Variants in PCCA observed in about 807,000 individuals in gnomAD.
The protein encoded by PCCA is propionyl-CoA carboxylase subunit alpha.
In PCCA, 74 loss-of-function variants were observed where a neutral mutation model predicts 101.3. The ratio of observed to expected loss-of-function variants is 0.73; its 90% CI spans 0.61 to 0.89. PCCA has a LOEUF of 0.89. PCCA is among the 40% of genes least tolerant of loss of function. The pLI, the probability that PCCA is intolerant of heterozygous loss-of-function variation, is 0.00. For synonymous variants in PCCA, 294 were observed against 313.6 expected (o/e 0.94, Z 0.66); for missense variants, 891 against 907.0 (o/e 0.98, Z 0.23).
chr13:100,123,313 C>T (rs1055231973), intron 4 of PCCA, among the ~76,000 whole-genome samples: 4 of 152,152 alleles, frequency 2.6e-5, no homozygotes, highest in Non-Finnish European at 2.9e-5. Context: ...CCTCGGCTTC[C>T]CAAAGTGCTG....
intron 18 of PCCA, among the ~76,000 whole-genome samples, chr13:100,348,832 TC>T (rs1424845870): frequency 4.4e-4 from 64 of 145,116 alleles, no homozygotes; most frequent in African/African-American, 7.0e-4. Context: ...TTCTTTTCTC[TC>T]TCTTTTTCTC....
At chr13:100,524,986 TA>T (rs1555330346) in intron 22 of PCCA, among the ~76,000 whole-genome samples, 13,134 of 115,212 alleles carry the variant, frequency 0.11, 728 homozygotes, top group Middle Eastern at 0.18. Flanking sequence ...CTAAGATGGA[TA>T]GATAGATAGA....
At chr13:100,455,865 A>G (rs943296970) in intron 21 of PCCA, among the ~76,000 whole-genome samples, 1 of 152,012 alleles carries the variant, frequency 6.6e-6, no homozygotes, top group African/African-American at 2.4e-5. Context: ...ACACTCAGCT[A>G]CTTTTTCTAT....
intron 8 of PCCA, among the ~76,000 whole-genome samples, chr13:100,243,027 C>G (rs926109446): frequency 3.3e-5 from 5 of 152,166 alleles, no homozygotes; most frequent in Admixed American, 1.3e-4. Context: ...CCCCACTTAG[C>G]TGGGACTACA....
At chr13:100,427,919 G>A (rs2079267094) in intron 20 of PCCA, among the ~76,000 whole-genome samples, 1 of 152,152 alleles carries the variant, frequency 6.6e-6, no homozygotes, top group Non-Finnish European at 1.5e-5. Context: ...GTAGTTTTAA[G>A]CATAGTACAG....
At chr13:100,095,931 G>A (rs1269204050) in intron 1 of PCCA, among the ~76,000 whole-genome samples, 1 of 152,128 alleles carries the variant, frequency 6.6e-6, no homozygotes, top group East Asian at 1.9e-4. Context: ...TGGGGACTGG[G>A]GTGGGAAGAG....
At chr13:100,447,902 A>T (rs2080954576) in intron 20 of PCCA, among the ~76,000 whole-genome samples, 1 of 152,174 alleles carries the variant, frequency 6.6e-6, no homozygotes. Context: ...CTAGAGGTTC[A>T]CTCTGGGTTC....
chr13:100,410,385 G>A (rs2077967404), intron 19 of PCCA, among the ~76,000 whole-genome samples: 1 of 152,140 alleles, frequency 6.6e-6, no homozygotes, highest in East Asian at 1.9e-4. Context: ...TGCGACTACA[G>A]GTACATGCCG....
At chr13:100,457,950 G>T (rs1186109582) in intron 21 of PCCA, among the ~76,000 whole-genome samples, 2 of 152,152 alleles carry the variant, frequency 1.3e-5, no homozygotes, top group Non-Finnish European at 2.9e-5. Context: ...GCAAGCTGTA[G>T]TAGACTGGGA....
At chr13:100,104,246 T>C (rs1022956305) in intron 2 of PCCA, among the ~76,000 whole-genome samples, 2 of 152,182 alleles carry the variant, frequency 1.3e-5, no homozygotes, top group Non-Finnish European at 2.9e-5. Flanking sequence ...TTCCAGATTC[T>C]TTTGAATCTG....
intron 4 of PCCA, among the ~76,000 whole-genome samples, chr13:100,128,428 G>T (rs189107089): frequency 6.6e-6 from 1 of 152,260 alleles, no homozygotes; most frequent in Admixed American, 6.5e-5. Context: ...TGGGTATAGA[G>T]AAATAAAACA....
At chr13:100,396,749 ATTTAT>A (rs2077062632) in intron 19 of PCCA, among the ~76,000 whole-genome samples, 1 of 152,194 alleles carries the variant, frequency 6.6e-6, no homozygotes, top group South Asian at 2.1e-4. Context: ...TTAGAATTGT[ATTTAT>A]TTTATGAAGC....
chr13:100,186,749 C>CAAAAAAAAAAAAAA (rs113247072), intron 6 of PCCA, among the ~76,000 whole-genome samples: 1 of 106,262 alleles, frequency 9.4e-6, no homozygotes, highest in African/African-American at 3.6e-5. Flanking sequence ...AAAAAAAAAA[C>CAAAAAAAAAAAAAA]AAAAAAAAAA....
At chr13:100,158,066 A>G (rs189087772) in intron 6 of PCCA, among the ~76,000 whole-genome samples, 2 of 152,324 alleles carry the variant, frequency 1.3e-5, no homozygotes, top group East Asian at 1.9e-4. Flanking sequence ...AGAAATCTAC[A>G]TGGTAGAGTC....
intron 21 of PCCA, among the ~76,000 whole-genome samples, chr13:100,515,065 T>C (rs914542309): frequency 2.6e-5 from 4 of 152,208 alleles, no homozygotes; most frequent in Non-Finnish European, 5.9e-5. Flanking sequence ...CCCCTGGGTC[T>C]GCCCAGCTCA....
chr13:100,276,550 A>G (rs1400383709), intron 12 of PCCA, among the ~76,000 whole-genome samples: 2 of 152,154 alleles, frequency 1.3e-5, no homozygotes, highest in Non-Finnish European at 2.9e-5. Context: ...GAATAAACCT[A>G]TAACTTTCAT....
intron 18 of PCCA, among the ~76,000 whole-genome samples, chr13:100,363,915 A>G (rs2074905716): frequency 6.6e-6 from 1 of 152,226 alleles, no homozygotes; most frequent in African/African-American, 2.4e-5. Context: ...ATGTATTAGT[A>G]TTAATAGTGA....
chr13:100,191,776 C>T (rs1415605481), intron 6 of PCCA, among the ~76,000 whole-genome samples: 1 of 152,214 alleles, frequency 6.6e-6, no homozygotes, highest in East Asian at 1.9e-4. Flanking sequence ...GGAAGTCACG[C>T]TGGCTGCTAC....
rs550590815 is a variant in PCCA, at chr13:100,264,172, C to T, written c.819+1341C>T. Among the ~76,000 whole-genome samples the T allele has an allele frequency of 3.7e-5, 4 of 109,004 alleles. 1 individual carries two copies. The highest frequency in any genetic ancestry group is 2.4e-4 in the East Asian group (1 of 4,138). The allele number at this position is 109,004 out of a possible 152,430, so 71.5% of individuals were successfully genotyped here. A position where few individuals can be genotyped will look rare whatever the true frequency, so the allele number is the denominator to read the frequency against. ...TCGTATATATATGGTATCTGTATAT[C>T]GTATATATGTGATATCTGTATATCA... On this transcript the variant is annotated intron_variant, in intron 10 of 23. Transcript: ENST00000376285.
Sources: allele counts gnomAD v4.1 joint callset (sites outside exome capture counted in the v4.1 genomes callset), GRCh38; gene constraint gnomAD v4.1.1; transcripts MANE v1.5; gene names NCBI Gene and HGNC (gene_info 2026-07-23, HGNC 2026-07-21).